COX7B2: variants seen among roughly 807,000 people sequenced by gnomAD.
COX7B2 encodes cytochrome c oxidase subunit 7B2.
For synonymous variants in COX7B2, 37 were observed against 32.1 expected, an observed-to-expected ratio of 1.15 and a Z score of -0.51; for missense variants, 109 against 95.9, an observed-to-expected ratio of 1.14 and a Z score of -0.57.
intron 1 of COX7B2, among the ~76,000 whole-genome samples, chr4:46,878,009 AT>A (rs1359300608): frequency 6.8e-5 from 10 of 147,832 alleles, no homozygotes; most frequent in Non-Finnish European, 1.2e-4. Flanking sequence ...GAATAAAGAA[AT>A]TGTAGTGCAT....
intron 1 of COX7B2, among the ~76,000 whole-genome samples, chr4:46,852,978 A>G (rs1372054627): frequency 1.3e-5 from 2 of 152,188 alleles, no homozygotes; most frequent in Non-Finnish European, 2.9e-5. Context: ...TGTATGTTAG[A>G]TAAGCTTCCT....
At chr4:46,823,323 C>A (rs1714438832) in intron 2 of COX7B2, among the ~76,000 whole-genome samples, 1 of 151,338 alleles carries the variant, frequency 6.6e-6, no homozygotes, top group African/African-American at 2.4e-5. Flanking sequence ...TATGTGCACA[C>A]ATACACATAT....
chr4:46,841,695 C>T (rs1227238669), intron 2 of COX7B2, among the ~76,000 whole-genome samples: 3 of 151,758 alleles, frequency 2.0e-5, no homozygotes, highest in East Asian at 3.9e-4. Flanking sequence ...ATCTCAAGGA[C>T]CAAGGAAATA....
At chr4:46,874,094 GT>G (rs1164359229) in intron 1 of COX7B2, among the ~76,000 whole-genome samples, 4 of 152,026 alleles carry the variant, frequency 2.6e-5, no homozygotes, top group Non-Finnish European at 5.9e-5. Context: ...TGTATCTTGA[GT>G]TTGGGAACTT....
chr4:46,798,118 T>A (rs1426516988), intron 2 of COX7B2, among the ~76,000 whole-genome samples: 1 of 152,170 alleles, frequency 6.6e-6, no homozygotes, highest in East Asian at 1.9e-4. Context: ...TAGTAAAAGA[T>A]TTACATATCA....
At chr4:46,848,887 T>C (rs1400131556) in intron 1 of COX7B2, among the ~76,000 whole-genome samples, 2 of 152,020 alleles carry the variant, frequency 1.3e-5, no homozygotes, top group Admixed American at 6.6e-5. Flanking sequence ...AATTCCCTTA[T>C]ATAAAATGGT....
chr4:46,908,383 C>T (rs17598928), intron 1 of COX7B2, among the ~76,000 whole-genome samples: 36,914 of 152,002 alleles, frequency 0.24, 4,691 homozygotes, highest in East Asian at 0.29. Flanking sequence ...GATGCCTCAA[C>T]ACTCCTGGTC....
chr4:46,781,436 C>A (rs1717439802), intron 2 of COX7B2, among the ~76,000 whole-genome samples: 1 of 152,210 alleles, frequency 6.6e-6, no homozygotes, highest in African/African-American at 2.4e-5. Flanking sequence ...TAAGCAAAGC[C>A]TCCCTGGTTT....
At chr4:46,787,639 C>T (rs1171881458) in intron 2 of COX7B2, among the ~76,000 whole-genome samples, 1 of 152,078 alleles carries the variant, frequency 6.6e-6, no homozygotes, top group African/African-American at 2.4e-5. Context: ...ACTGAAGAGA[C>T]TCTATTGAAG....
intron 2 of COX7B2, among the ~76,000 whole-genome samples, chr4:46,826,105 A>G (rs557796342): frequency 8.5e-5 from 13 of 152,306 alleles, no homozygotes; most frequent in African/African-American, 2.6e-4. Context: ...ACAGAATGAG[A>G]GAAAATATAT....
At chr4:46,778,989 A>T (rs1717301285) in intron 2 of COX7B2, among the ~76,000 whole-genome samples, 1 of 152,192 alleles carries the variant, frequency 6.6e-6, no homozygotes, top group African/African-American at 2.4e-5. Flanking sequence ...CTTGCAATTT[A>T]GATACTGAAA....
At chr4:46,843,200 G>A (rs1333640881) in intron 2 of COX7B2, among the ~76,000 whole-genome samples, 1 of 151,892 alleles carries the variant, frequency 6.6e-6, no homozygotes, top group Non-Finnish European at 1.5e-5. Flanking sequence ...TAGAATCTTG[G>A]CTTGTCCATT....
intron 2 of COX7B2, among the ~76,000 whole-genome samples, chr4:46,822,771 G>T (rs1172306857): frequency 6.6e-6 from 1 of 151,950 alleles, no homozygotes; most frequent in Non-Finnish European, 1.5e-5. Flanking sequence ...TAAGAAAAGG[G>T]TTCATGAATG....
At chr4:46,895,177 C>T (rs1560442486) in intron 1 of COX7B2, among the ~76,000 whole-genome samples, 1 of 152,088 alleles carries the variant, frequency 6.6e-6, no homozygotes. Flanking sequence ...ATTATAAAGA[C>T]ACATGTACAC....
At chr4:46,813,792 A>T (rs779405971) in intron 2 of COX7B2, among the ~76,000 whole-genome samples, 1 of 152,194 alleles carries the variant, frequency 6.6e-6, no homozygotes, top group Non-Finnish European at 1.5e-5. Context: ...AAAACTATTC[A>T]TCTGACCAGC....
chr4:46,789,327 T>C (rs144393347), intron 2 of COX7B2, among the ~76,000 whole-genome samples: 56 of 152,304 alleles, frequency 3.7e-4, no homozygotes, highest in African/African-American at 1.3e-3. Flanking sequence ...AATCATAGAA[T>C]ATAGAAGACC....
intron 2 of COX7B2, among the ~76,000 whole-genome samples, chr4:46,812,943 G>A (rs1330039580): frequency 6.6e-6 from 1 of 152,124 alleles, no homozygotes; most frequent in Admixed American, 6.5e-5. Context: ...GCACAGGGCA[G>A]GGGGTTACTG....
intron 1 of COX7B2, among the ~76,000 whole-genome samples, chr4:46,887,499 C>A (rs912655613): frequency 6.6e-6 from 1 of 151,996 alleles, no homozygotes; most frequent in African/African-American, 2.4e-5. Context: ...ATCACGAGGT[C>A]AGGAGATCGA....
At chr4:46,848,210 AT>A (rs1716419733) in intron 1 of COX7B2, among the ~76,000 whole-genome samples, 1 of 152,054 alleles carries the variant, frequency 6.6e-6, no homozygotes, top group African/African-American at 2.4e-5. Flanking sequence ...GAAGGTTGGT[AT>A]TTCAAAACTC....
Sources: gnomAD v4.1 joint callset for allele counts (sites outside exome capture counted in the v4.1 genomes callset) on GRCh38, gnomAD v4.1.1 for gene constraint, MANE v1.5 for transcripts, NCBI Gene and HGNC (gene_info 2026-07-23, HGNC 2026-07-21) for gene names.